Variants in CSNK2A2IP observed in about 807,000 individuals in gnomAD.
The protein encoded by CSNK2A2IP is casein kinase II subunit alpha'-interacting protein.
the CSNK2A2IP span, among the ~76,000 whole-genome samples, chr3:88,370,736 C>G: frequency 6.6e-6 from 1 of 151,114 alleles, no homozygotes; most frequent in African/African-American, 2.4e-5. Context: ...TGTTTGTGTC[C>G]CCCCAAATTT....
At chr3:88,419,132 T>C in the CSNK2A2IP span, among the ~76,000 whole-genome samples, 1 of 152,054 alleles carries the variant, frequency 6.6e-6, no homozygotes, top group Non-Finnish European at 1.5e-5. Flanking sequence ...ATAAGGTGAG[T>C]TGTATAATTA....
chr3:88,450,817 A>C, the CSNK2A2IP span, among the ~76,000 whole-genome samples: 1 of 152,152 alleles, frequency 6.6e-6, no homozygotes, highest in African/African-American at 2.4e-5. Flanking sequence ...GAACATAAGC[A>C]GGTAGGTATC....
At chr3:88,407,332 G>A in the CSNK2A2IP span, among the ~76,000 whole-genome samples, 1 of 146,542 alleles carries the variant, frequency 6.8e-6, no homozygotes, top group African/African-American at 2.5e-5. Context: ...GGGTCTGAAT[G>A]CATATTCATG....
chr3:88,436,537 T>A, the CSNK2A2IP span, among the ~76,000 whole-genome samples: 1 of 152,102 alleles, frequency 6.6e-6, no homozygotes, highest in African/African-American at 2.4e-5. Flanking sequence ...CATAATCTTT[T>A]CATGAAATTC....
chr3:88,414,470 A>G, the CSNK2A2IP span, among the ~76,000 whole-genome samples: 1 of 151,336 alleles, frequency 6.6e-6, no homozygotes, highest in East Asian at 1.9e-4. Flanking sequence ...TTTAGTAGAG[A>G]CAGGGTTTCA....
At chr3:88,394,983 CAT>C in the CSNK2A2IP span, among the ~76,000 whole-genome samples, 1 of 152,166 alleles carries the variant, frequency 6.6e-6, no homozygotes, top group Non-Finnish European at 1.5e-5. Flanking sequence ...CCCGGTGACA[CAT>C]GTTTACCTAT....
chr3:88,383,608 T>C, the CSNK2A2IP span, among the ~76,000 whole-genome samples: 2 of 152,072 alleles, frequency 1.3e-5, no homozygotes, highest in African/African-American at 4.8e-5. Flanking sequence ...CTGGGAATTA[T>C]TCATCATTTT....
the CSNK2A2IP span, among the ~76,000 whole-genome samples, chr3:88,453,726 G>T: frequency 6.6e-6 from 1 of 152,026 alleles, no homozygotes; most frequent in Non-Finnish European, 1.5e-5. Flanking sequence ...CCAGCTTTAT[G>T]TCTATTGATT....
the CSNK2A2IP span, among the ~76,000 whole-genome samples, chr3:88,456,005 T>C: frequency 6.6e-6 from 1 of 152,104 alleles, no homozygotes; most frequent in African/African-American, 2.4e-5. Flanking sequence ...GAAGATTGAT[T>C]GACTGCATAT....
the CSNK2A2IP span, among the ~76,000 whole-genome samples, chr3:88,348,872 T>A: frequency 6.6e-6 from 1 of 152,044 alleles, no homozygotes; most frequent in Non-Finnish European, 1.5e-5. Flanking sequence ...ACCACAGTCC[T>A]TTTATGCTTG....
chr3:88,427,930 T>A, the CSNK2A2IP span, among the ~76,000 whole-genome samples: 1 of 151,902 alleles, frequency 6.6e-6, no homozygotes, highest in African/African-American at 2.4e-5. Flanking sequence ...AGGGCCACCA[T>A]CCCCCAGACC....
At chr3:88,349,607 G>A in the CSNK2A2IP span, among the ~76,000 whole-genome samples, 1 of 152,050 alleles carries the variant, frequency 6.6e-6, no homozygotes, top group Non-Finnish European at 1.5e-5. Context: ...GTGTGTGCAT[G>A]TATCATTTTC....
chr3:88,384,783 T>A, the CSNK2A2IP span, among the ~76,000 whole-genome samples: 1 of 151,982 alleles, frequency 6.6e-6, no homozygotes, highest in African/African-American at 2.4e-5. Context: ...AAGACAGAGA[T>A]AATAGAAACA....
At chr3:88,463,033 T>C in the CSNK2A2IP span, among the ~76,000 whole-genome samples, 1 of 152,176 alleles carries the variant, frequency 6.6e-6, no homozygotes, top group East Asian at 1.9e-4. Context: ...AAAGTTACTA[T>C]GGGAAAAGTC....
At chr3:88,397,921 A>G in the CSNK2A2IP span, among the ~76,000 whole-genome samples, 3 of 152,108 alleles carry the variant, frequency 2.0e-5, no homozygotes, top group Non-Finnish European at 4.4e-5. Context: ...TTATTCATAA[A>G]GCAATCCTTA....
the CSNK2A2IP span, among the ~76,000 whole-genome samples, chr3:88,409,825 T>C: frequency 3.3e-5 from 5 of 152,090 alleles, no homozygotes; most frequent in African/African-American, 7.3e-5. Context: ...ATATATATGA[T>C]TTATTTTATT....
chr3:88,367,868 A>G, the CSNK2A2IP span, among the ~76,000 whole-genome samples: 5,838 of 152,160 alleles, frequency 0.038, 171 homozygotes, highest in Middle Eastern at 0.051. Flanking sequence ...GTAATGGTTA[A>G]GGGGATAGTA....
the CSNK2A2IP span, among the ~76,000 whole-genome samples, chr3:88,344,339 T>TAAAACAACA: frequency 6.6e-6 from 1 of 151,992 alleles, no homozygotes; most frequent in Non-Finnish European, 1.5e-5. Context: ...CATGTGTCTT[T>TAAAACAACA]TATTTCCTCC....
chr3:88,451,671 T>G, the CSNK2A2IP span, among the ~76,000 whole-genome samples: 2 of 151,836 alleles, frequency 1.3e-5, no homozygotes, highest in Non-Finnish European at 2.9e-5. Flanking sequence ...CCTCCTTCTC[T>G]TCTTCCTTCC....
Sources: allele counts gnomAD v4.1 joint callset (sites outside exome capture counted in the v4.1 genomes callset), GRCh38; gene constraint gnomAD v4.1.1; transcripts MANE v1.5; gene names NCBI Gene and HGNC (gene_info 2026-07-23, HGNC 2026-07-21).